The following FMNL3 variants were observed in gnomAD, a reference collection of about 807,000 sequenced individuals.
The protein encoded by FMNL3 is formin-like protein 3.
In FMNL3, 57 loss-of-function variants were observed where a neutral mutation model predicts 119.6. The observed-to-expected ratio is 0.48, with a 90% CI of 0.39 to 0.59. The LOEUF is 0.59. FMNL3 is among the 20% of genes least tolerant of loss of function. The probability of loss-of-function intolerance (pLI) is 0.00; values close to 1 mark genes in which losing one functional copy is unlikely to be tolerated. For synonymous variants in FMNL3, 491 were observed against 507.3 expected (o/e 0.97, Z 0.43); for missense variants, 1,053 against 1,323.5 (o/e 0.80, Z 3.17).
intron 1 of FMNL3, among the ~76,000 whole-genome samples, chr12:49,691,727 TTTCC>T (rs1341483709): frequency 6.6e-6 from 1 of 152,006 alleles, no homozygotes; most frequent in Admixed American, 6.6e-5. Flanking sequence ...GAGCCTTTTT[TTTCC>T]CCCCATTAAA....
chr12:49,650,015 A>G, intron 17 of FMNL3, 90 bp from the exon 18 acceptor site: 1 of 1,164,606 alleles, frequency 8.6e-7, no homozygotes, highest in Non-Finnish European at 1.2e-6. Context: ...GAAGAACTGG[A>G]CAGGGGACTG....
intron 10 of FMNL3, 35 bp downstream of exon 10, chr12:49,654,875 G>T (rs780790971): frequency 1.9e-6 from 3 of 1,601,894 alleles, no homozygotes; most frequent in Non-Finnish European, 1.7e-6. Flanking sequence ...CACAGCCCTG[G>T]TGGGTATGTG....
In FMNL3 at chr12:49,643,695, T is replaced by A. The variant is rs368213608; in HGVS notation, c.*2120A>T. On this transcript the variant is annotated 3_prime_UTR_variant, in exon 26 of 26. Transcript: ENST00000335154. ...TAGGGATTTTTCTATCTCTAGATCA[T>A]GGCCTTCGGAAAGCCAAGAAACCAA... is the stretch of plus-strand genomic sequence containing the variant. 67 of 1,613,922 alleles carry A rather than the reference T, an allele frequency of 4.2e-5. No individual in the cohort carries two copies. The highest frequency in any genetic ancestry group is 5.4e-5 in the Non-Finnish European group (64 of 1,179,988).
chr12:49,682,429 G>A (rs1944361011), intron 1 of FMNL3, among the ~76,000 whole-genome samples: 1 of 152,038 alleles, frequency 6.6e-6, no homozygotes, highest in African/African-American at 2.4e-5. Flanking sequence ...CTGTAACCTT[G>A]AACTCCTGGA....
chr12:49,652,736 G>A (rs992383015), intron 13 of FMNL3, among the ~76,000 whole-genome samples: 1 of 152,222 alleles, frequency 6.6e-6, no homozygotes, highest in African/African-American at 2.4e-5. Context: ...TCTTCTGAAA[G>A]AGAAAGTAGG....
intron 8 of FMNL3, 94 bp from the exon 9 acceptor site, chr12:49,656,591 G>C: frequency 4.2e-6 from 5 of 1,180,776 alleles, no homozygotes; most frequent in Non-Finnish European, 6.1e-6. Context: ...TTTGGAGAGT[G>C]GAGAAAGCCT....
At chr12:49,664,713 C>A (rs1943838805) in intron 4 of FMNL3, among the ~76,000 whole-genome samples, 1 of 152,224 alleles carries the variant, frequency 6.6e-6, no homozygotes, top group African/African-American at 2.4e-5. Flanking sequence ...AGCACAGTTA[C>A]TGAGGCCAGG....
intron 10 of FMNL3, 143 bp from the exon 11 acceptor site, chr12:49,654,445 C>T (rs1169065605): frequency 1.7e-6 from 1 of 600,642 alleles, no homozygotes; most frequent in African/African-American, 1.9e-5. Flanking sequence ...TTTATGGGGG[C>T]AATAAGAGTA....
At chr12:49,655,571 A>G (rs1273715200) in intron 9 of FMNL3, among the ~76,000 whole-genome samples, 2 of 152,146 alleles carry the variant, frequency 1.3e-5, no homozygotes, top group South Asian at 2.1e-4. Flanking sequence ...AAGAAGAAAC[A>G]TAGGGGTCTG....
At chr12:49,684,412 G>T (rs1444542603) in intron 1 of FMNL3, among the ~76,000 whole-genome samples, 2 of 152,134 alleles carry the variant, frequency 1.3e-5, no homozygotes, top group Admixed American at 1.3e-4. Context: ...GTACTGTTAT[G>T]ACACCAACTT....
At position 49,644,177 on chromosome 12, in the gene FMNL3, G is replaced by A; in HGVS notation, c.*1638C>T. 2 of 1,614,038 alleles carry A rather than the reference G, an allele frequency of 1.2e-6. No individual in the cohort carries two copies. The highest frequency in any genetic ancestry group is 1.7e-6 in the Non-Finnish European group (2 of 1,180,022). On this transcript the variant is annotated 3_prime_UTR_variant, in exon 26 of 26. Coordinates refer to ENST00000335154, the MANE Select transcript of FMNL3 (RefSeq NM_175736.5). ...GGCGGCGGACACTCCTACAGCAGCTGGATGATCACCAGTGACCCAATGAGC... is the reference window on the plus strand; with the variant it reads ...GGCGGCGGACACTCCTACAGCAGCTAGATGATCACCAGTGACCCAATGAGC...
rs778392739 is a variant in FMNL3 at position 49,648,173 on chromosome 12, C to A, written c.2676+20G>T. 4.4e-6 allele frequency: 7 copies of A among 1,605,136 alleles called. No homozygotes were observed. ...GTGCCTTGGCCCTGGTTGCTCCCAC[C>A]GCCTGCACCCCGTGCTTGCCTCAGC... On this transcript the variant is annotated intron_variant, in intron 22 of 25. Coordinates refer to ENST00000335154, the MANE Select transcript of FMNL3 (RefSeq NM_175736.5).
chr12:49,653,881 G>A lies in FMNL3; in HGVS notation c.1072-7C>T. 2 of 1,613,942 alleles carry A rather than the reference G, an allele frequency of 1.2e-6. No individual in the cohort carries two copies. The highest frequency in any genetic ancestry group is 2.2e-5 in the East Asian group (1 of 44,888). On this transcript the variant is annotated splice_region_variant and splice_polypyrimidine_tract_variant and intron_variant, in intron 11 of 25. Transcript: ENST00000335154. ...TCTCTGTGTGCCTTGACTTCTGGGG[G>A]AAGAGCAGAGAGTAGGAGTAGTTGT...
At position 49,684,586 on chromosome 12, in the gene FMNL3, G is replaced by T. The variant is rs150243940; in HGVS notation, c.127-16032C>A. On this transcript the variant is annotated intron_variant, in intron 1 of 25. Transcript: ENST00000335154. ...TTTAACAAGGACATTCTAGAGAAAT[G>T]ACAGATAAATGCTTTGGGACGCCAC... 1.8e-4 allele frequency among the ~76,000 whole-genome samples: 28 copies of T among 152,314 alleles called. No individual in the cohort carries two copies. The East Asian group carries it at 4.8e-3, about 26-fold the overall frequency.
At chr12:49,646,822 G>A in intron 25 of FMNL3, 64 bp downstream of exon 25, 2 of 1,608,930 alleles carry the variant, frequency 1.2e-6, no homozygotes, top group Middle Eastern at 1.7e-4. Context: ...AGCCCAAAGG[G>A]GTTAGGTTGA....
In FMNL3 at chr12:49,649,800, G is replaced by C; in HGVS notation, c.2126C>G (p.Ala709Gly). 6.2e-7 allele frequency: 1 copy of C among 1,614,214 alleles called. No homozygotes were observed. Among genetic ancestry groups the C allele is most frequent in the Non-Finnish European group, 8.5e-7 (1 of 1,180,030 alleles). ...RERQPLEELA[A>G]EDRFMLLFSK... ...GAAGAGCAGCATGAAGCGGTCCTCA[G>C]CTGCCAACTCCTCCAGGGGCTGCCG... The change falls in exon 18 of 26, where the codon GCT becomes GGT. Residue 709 changes from alanine to glycine, a missense_variant. This residue lies in a region of FMNL3 where 20 missense variants were observed against 48.7 expected (regional missense o/e 0.41). Coordinates refer to ENST00000335154, the MANE Select transcript of FMNL3 (RefSeq NM_175736.5). This position sits in a 1 kb window ranked among gnomAD's most constrained non-coding sequence, Gnocchi z 5.6.
chr12:49,650,510 A>C (rs1943363435), intron 17 of FMNL3, among the ~76,000 whole-genome samples, 166 bp downstream of exon 17: 1 of 152,204 alleles, frequency 6.6e-6, no homozygotes, highest in Non-Finnish European at 1.5e-5. Context: ...GTCTGGGCTG[A>C]ACTGCCAGCA....
At position 49,649,134 on chromosome 12, in the gene FMNL3, G is replaced by T. The variant is rs376073981; in HGVS notation, c.2410C>A (p.Arg804=). The T allele has an allele frequency of 6.8e-6, 11 of 1,613,472 alleles. No homozygotes were observed. Among genetic ancestry groups the T allele is most frequent in the Non-Finnish European group, 9.3e-6 (11 of 1,179,646 alleles). Residue 804 remains arginine, a synonymous_variant, in exon 21 of 26, where the codon CGG becomes AGG. Coordinates refer to ENST00000335154, the MANE Select transcript of FMNL3 (RefSeq NM_175736.5). The surrounding 1 kb of genome is among the most constrained non-coding windows in gnomAD (Gnocchi z 5.6). ...ATGAAATGAAGCAGTGTCATCTTCC[G>T]GTCAGTGGACTTGGTATCCAGCAGC... ...DLLLDTKSTD[R]KMTLLHFIAL...
At chr12:49,674,984 A>G (rs1944144757) in intron 1 of FMNL3, among the ~76,000 whole-genome samples, 1 of 152,184 alleles carries the variant, frequency 6.6e-6, no homozygotes, top group Non-Finnish European at 1.5e-5. Context: ...AAATACAATT[A>G]TACCCCCGGG....
Sources: allele counts gnomAD v4.1 joint callset (sites outside exome capture counted in the v4.1 genomes callset), GRCh38; gene constraint gnomAD v4.1.1; regional missense constraint gnomAD v4.1.1; non-coding constraint Gnocchi (gnomAD v3.1); transcripts MANE v1.5; gene names NCBI Gene and HGNC (gene_info 2026-07-23, HGNC 2026-07-21).